Variants in NPHP1 observed in about 807,000 individuals in gnomAD.
NPHP1 encodes nephrocystin-1.
NPHP1 carries 70 observed loss-of-function variants against 90.4 expected under a neutral mutation model. The observed-to-expected ratio is 0.77, with a 90% CI of 0.64 to 0.95. The LOEUF is 0.95. NPHP1 is among the 40% of genes least tolerant of loss of function. NPHP1 has a pLI of 0.00. For missense variants in NPHP1, 764 were observed against 795.9 expected, an observed-to-expected ratio of 0.96 and a Z score of 0.48; for synonymous variants, 256 against 271.7, an observed-to-expected ratio of 0.94 and a Z score of 0.57.
chr2:110,148,139 G>A, intron 12 of NPHP1, 113 bp from the exon 13 acceptor site: 1 of 771,276 alleles, frequency 1.3e-6, no homozygotes, highest in Non-Finnish European at 2.3e-6. Context: ...TAATCCCAAT[G>A]TTGAAGGTGA....
chr2:110,162,432 G>A (rs1034982392), intron 9 of NPHP1, among the ~76,000 whole-genome samples: 1 of 152,034 alleles, frequency 6.6e-6, no homozygotes, highest in African/African-American at 2.4e-5. Flanking sequence ...GGAGTACTGG[G>A]AAGAACCTTC....
At position 110,168,435 on chromosome 2, in the gene NPHP1, C is replaced by A. The variant is rs1222397095; in HGVS notation, c.624+17G>T. The A allele has an allele frequency of 5.3e-6, 8 of 1,504,404 alleles. No individual in the cohort carries two copies. Among genetic ancestry groups the A allele is most frequent in the Non-Finnish European group, 7.4e-6 (8 of 1,082,182 alleles). 93.2% of individuals were successfully genotyped at this position (1,504,404 alleles called of 1,614,324 possible). ...AAAAAAAAGTCTTAGAAAAGGAAGG[C>A]ATAAACCAAGACTAACCTCTAGGTA... On this transcript the variant is annotated intron_variant, in intron 6 of 19. Transcript: ENST00000445609.
chr2:110,146,668 C>T (rs909446986), intron 14 of NPHP1, 85 bp downstream of exon 14: 23 of 986,224 alleles, frequency 2.3e-5, no homozygotes, highest in Non-Finnish European at 3.8e-5. Context: ...TTGGCATGCT[C>T]ATAGAACAAA....
chr2:110,143,649 G>C lies in NPHP1; in HGVS notation c.1430-8C>G, dbSNP rs750113370. 1.2e-6 allele frequency: 2 copies of C among 1,603,044 alleles called. No individual in the cohort carries two copies. Among genetic ancestry groups the C allele is most frequent in the Non-Finnish European group, 1.7e-6 (2 of 1,170,132 alleles). Reference sequence around the variant, plus strand: ...AGAAAACACTGCCGTGTGCTTTTAAGAAAAATCAAAAGTAACTCACGAAAC... The same window carrying C: ...AGAAAACACTGCCGTGTGCTTTTAACAAAAATCAAAAGTAACTCACGAAAC... On this transcript the variant is annotated splice_polypyrimidine_tract_variant and splice_region_variant and intron_variant, in intron 15 of 19. Coordinates refer to ENST00000445609, the MANE Select transcript of NPHP1 (RefSeq NM_001128178.3).
chr2:110,139,894 G>GCT (rs1680504854), intron 16 of NPHP1, among the ~76,000 whole-genome samples: 2 of 152,140 alleles, frequency 1.3e-5, no homozygotes, highest in East Asian at 3.9e-4. Flanking sequence ...TCGGGTCAGG[G>GCT]GAGGAGAGAG....
intron 11 of NPHP1, among the ~76,000 whole-genome samples, chr2:110,155,260 A>T (rs540020873): frequency 3.3e-5 from 5 of 152,236 alleles, no homozygotes; most frequent in African/African-American, 1.2e-4. Context: ...TTTCAAGAGG[A>T]TGTATGATAT....
chr2:110,186,631 C>T (rs1291150837), intron 2 of NPHP1, among the ~76,000 whole-genome samples: 1 of 152,152 alleles, frequency 6.6e-6, no homozygotes, highest in Non-Finnish European at 1.5e-5. Flanking sequence ...TAGTCTCCCC[C>T]ATGCTGTCCT....
In NPHP1 at chr2:110,204,853, G is replaced by T. The variant is rs200732975; in HGVS notation, c.69+47C>A. The T allele has an allele frequency of 5.2e-4, 828 of 1,595,848 alleles. 3 individuals are homozygous for T. Among genetic ancestry groups the T allele is most frequent in the Non-Finnish European group, 6.5e-4 (752 of 1,164,496 alleles). On this transcript the variant is annotated intron_variant, in intron 1 of 19. Transcript: ENST00000445609. ...GGGAAGGCGCAGTGCGCGCAGCTGC[G>T]TCCGCCTGTCGCCCGCCCCAGGGCC...
chr2:110,143,602 C>T lies in NPHP1; in HGVS notation c.1469G>A (p.Arg490Lys), dbSNP rs149887461. The T allele has an allele frequency of 3.2e-4, 520 of 1,613,754 alleles. 7 individuals carry two copies. The highest frequency in any genetic ancestry group is 2.4e-3 in the South Asian group (215 of 91,068). Reference protein sequence around the residue: ...SVFYQIMTMRRQPQLLVKLRS... With the variant: ...SVFYQIMTMRKQPQLLVKLRS... ...CAGTTTCACTAGAAGTTGAGGCTGC[C>T]TTCTCATTGTCATAATCTGGTAGAA... Residue 490 changes from arginine to lysine, a missense_variant, in exon 16 of 20, where the codon AGG (arginine) becomes AAG (lysine). Physicochemically the swap from Arg to Lys is conservative, Grantham distance 26. Coordinates refer to ENST00000445609, the MANE Select transcript of NPHP1 (RefSeq NM_001128178.3).
intron 11 of NPHP1, among the ~76,000 whole-genome samples, chr2:110,155,403 G>C (rs545406948): frequency 1.3e-5 from 2 of 152,266 alleles, no homozygotes; most frequent in Admixed American, 1.3e-4. Context: ...CCACCTAGTG[G>C]AGCTGTGAGA....
At chr2:110,125,835 AT>A (rs1257195264) in intron 18 of NPHP1, 154 bp from the exon 19 acceptor site, 2 of 695,350 alleles carry the variant, frequency 2.9e-6, no homozygotes, top group Non-Finnish European at 2.6e-6. Flanking sequence ...TTAGGAATCT[AT>A]TGCAAATGAC....
chr2:110,144,419 G>C, intron 15 of NPHP1, 74 bp downstream of exon 15: 1 of 932,466 alleles, frequency 1.1e-6, no homozygotes, highest in Non-Finnish European at 1.8e-6. Context: ...ATGCTTATTA[G>C]AATGTAGCTA....
intron 16 of NPHP1, among the ~76,000 whole-genome samples, chr2:110,141,482 T>C (rs1472602515): frequency 1.3e-5 from 2 of 152,114 alleles, no homozygotes; most frequent in South Asian, 2.1e-4. Context: ...GAGAAACTGA[T>C]AGATCTGAGA....
chr2:110,189,756 G>C (rs1455892024), intron 2 of NPHP1, among the ~76,000 whole-genome samples: 1 of 152,040 alleles, frequency 6.6e-6, no homozygotes, highest in Non-Finnish European at 1.5e-5. Context: ...TAGACACAAA[G>C]GTTCTCCAGG....
chr2:110,155,589 A>G (rs1681831959), intron 11 of NPHP1, among the ~76,000 whole-genome samples: 1 of 152,178 alleles, frequency 6.6e-6, no homozygotes, highest in African/African-American at 2.4e-5. Context: ...CACCTCTTAC[A>G]TCAGCGTGAC....
At chr2:110,170,107 A>T in intron 4 of NPHP1, 109 bp from the exon 5 acceptor site, 1 of 1,363,282 alleles carries the variant, frequency 7.3e-7, no homozygotes, top group Non-Finnish European at 1.0e-6. Context: ...GGAGCTGGCA[A>T]ATAAAAGAAA....
chr2:110,131,455 G>T (rs1240285949), intron 17 of NPHP1, among the ~76,000 whole-genome samples: 1 of 152,190 alleles, frequency 6.6e-6, no homozygotes, highest in Non-Finnish European at 1.5e-5. Context: ...AATTTGAAAT[G>T]TGAAAATACA....
At position 110,144,500 on chromosome 2, in the gene NPHP1, G is replaced by A. The variant is rs1160667484; in HGVS notation, c.1422C>T (p.Ser474=). Residue 474 remains serine, a synonymous_variant, in exon 15 of 20, where the codon TCC becomes TCT. Transcript: ENST00000445609. ...AACACATGAGAGCCATACCTCTTCT[G>A]GATATTGAAGGGTCCACTTCAATAC... ...EKGIEVDPSI[S]RRAHGSVFYQ... The A allele has an allele frequency of 1.3e-6, 2 of 1,596,524 alleles. No individual in the cohort carries two copies. Among genetic ancestry groups the A allele is most frequent in the East Asian group, 4.5e-5 (2 of 44,682 alleles).
At chr2:110,142,118 T>C (rs558417286) in intron 16 of NPHP1, among the ~76,000 whole-genome samples, 3 of 152,030 alleles carry the variant, frequency 2.0e-5, no homozygotes, top group South Asian at 2.1e-4. Flanking sequence ...TGCAGAAAAT[T>C]TGTACACAAA....
Sources: allele counts gnomAD v4.1 joint callset (sites outside exome capture counted in the v4.1 genomes callset), GRCh38; gene constraint gnomAD v4.1.1; transcripts MANE v1.5; gene names NCBI Gene and HGNC (gene_info 2026-07-23, HGNC 2026-07-21).